The following NRXN1 variants were observed in gnomAD, a reference collection of about 807,000 sequenced individuals.
The protein encoded by NRXN1 is neurexin-1.
A neutral mutation model predicts 150.9 loss-of-function variants in NRXN1; 39 were observed. The ratio of observed to expected loss-of-function variants is 0.26; its 90% CI spans 0.20 to 0.34. The LOEUF is 0.34. NRXN1 is among the 10% of genes least tolerant of loss of function. NRXN1 has a pLI of 1.00. For synonymous variants in NRXN1, 924 were observed against 757.0 expected (o/e 1.22, Z -3.62); for missense variants, 1,815 against 1,949.9 (o/e 0.93, Z 1.30).
chr2:50,172,858 T>C (rs1320462917), intron 18 of NRXN1, among the ~76,000 whole-genome samples: 8 of 152,038 alleles, frequency 5.3e-5, no homozygotes, highest in Non-Finnish European at 1.2e-4. Context: ...TCCCAGCCAC[T>C]TGGGAGGCTG....
At chr2:50,049,317 G>A (rs959211836) in intron 21 of NRXN1, among the ~76,000 whole-genome samples, 1 of 152,120 alleles carries the variant, frequency 6.6e-6, no homozygotes, top group Non-Finnish European at 1.5e-5. Context: ...ACCTAATTAA[G>A]AGCATCATCA....
intron 19 of NRXN1, among the ~76,000 whole-genome samples, chr2:50,071,471 G>C (rs1696285908): frequency 6.6e-6 from 1 of 152,160 alleles, no homozygotes; most frequent in Non-Finnish European, 1.5e-5. Flanking sequence ...GTCCTTATAA[G>C]AGGAAGACTG....
Position 50,270,266 on chromosome 2 carries a change from T to C in NRXN1, c.3365-33296A>G, listed in dbSNP as rs140077863. The stretch of plus-strand genomic sequence containing the variant: ...TACTAAAATTCAACCTACCATCATT[T>C]GTAACATGAGCGTGGGGAAAGTAAA... On this transcript the variant is annotated intron_variant, in intron 17 of 22. Coordinates refer to ENST00000401669, the MANE Select transcript of NRXN1 (RefSeq NM_001330078.2). 8.6e-4 allele frequency among the ~76,000 whole-genome samples: 131 copies of C among 152,296 alleles called. 1 individual carries two copies. Among genetic ancestry groups the C allele is most frequent in the African/African-American group, 3.1e-3 (128 of 41,576 alleles).
chr2:49,944,738 T>C (rs1378707856), intron 21 of NRXN1, among the ~76,000 whole-genome samples: 1 of 152,128 alleles, frequency 6.6e-6, no homozygotes, highest in Non-Finnish European at 1.5e-5. Flanking sequence ...ATCCAATGTA[T>C]ACAAATAAAT....
chr2:50,278,289 C>CAT (rs3080646), intron 17 of NRXN1, among the ~76,000 whole-genome samples: 47,482 of 113,996 alleles, frequency 0.42, 10,480 homozygotes, highest in Middle Eastern at 0.49. Context: ...ATATATAATA[C>CAT]ATATATAATA....
chr2:50,599,495 T>C (rs1461936606), intron 8 of NRXN1, among the ~76,000 whole-genome samples: 4 of 152,206 alleles, frequency 2.6e-5, no homozygotes, highest in Non-Finnish European at 5.9e-5. Flanking sequence ...TATTCTTGCC[T>C]TGAAAATTAT....
chr2:49,974,582 G>T (rs1324557583), intron 21 of NRXN1, among the ~76,000 whole-genome samples: 1 of 152,084 alleles, frequency 6.6e-6, no homozygotes, highest in African/African-American at 2.4e-5. Context: ...TTAAAACTGT[G>T]CAATTAGCAT....
intron 8 of NRXN1, among the ~76,000 whole-genome samples, chr2:50,610,049 T>A (rs1255335878): frequency 1.3e-5 from 2 of 152,130 alleles, no homozygotes; most frequent in African/African-American, 4.8e-5. Flanking sequence ...ATGATTTTCC[T>A]GGGGAAAAAA....
At chr2:50,309,065 T>A (rs1336219827) in intron 17 of NRXN1, among the ~76,000 whole-genome samples, 1 of 152,212 alleles carries the variant, frequency 6.6e-6, no homozygotes, top group African/African-American at 2.4e-5. Flanking sequence ...AATCACTGAA[T>A]GCAAAGACAA....
chr2:50,698,603 TA>T (rs1220453457), intron 5 of NRXN1, among the ~76,000 whole-genome samples: 2 of 152,216 alleles, frequency 1.3e-5, no homozygotes, highest in Non-Finnish European at 2.9e-5. Flanking sequence ...CTAATACATA[TA>T]CATAACCTAT....
At chr2:50,539,168 G>A (rs527705838) in intron 9 of NRXN1, among the ~76,000 whole-genome samples, 2 of 152,086 alleles carry the variant, frequency 1.3e-5, no homozygotes, top group Non-Finnish European at 2.9e-5. Flanking sequence ...AACTTACATA[G>A]TTTTGTTTCC....
chr2:50,281,322 C>CAATAATAAT (rs371009865), intron 17 of NRXN1, among the ~76,000 whole-genome samples: 3,390 of 149,006 alleles, frequency 0.023, 125 homozygotes, highest in African/African-American at 0.081. Flanking sequence ...GTCTCAAAAA[C>CAATAATAAT]AATAATAATA....
intron 5 of NRXN1, among the ~76,000 whole-genome samples, chr2:50,785,061 C>T (rs984615696): frequency 6.6e-6 from 1 of 151,914 alleles, no homozygotes; most frequent in Non-Finnish European, 1.5e-5. Flanking sequence ...CAGAATGTGC[C>T]TTTCCAAGAA....
chr2:49,978,714 C>CAAAA (rs60622757), intron 21 of NRXN1, among the ~76,000 whole-genome samples: 3 of 123,090 alleles, frequency 2.4e-5, no homozygotes, highest in African/African-American at 9.4e-5. Context: ...AGAGAGGCCA[C>CAAAA]AAAAAAAAAA....
intron 5 of NRXN1, among the ~76,000 whole-genome samples, chr2:50,783,256 C>T (rs536977765): frequency 1.4e-4 from 22 of 152,236 alleles, no homozygotes; most frequent in Admixed American, 3.9e-4. Flanking sequence ...TCGCAATCTA[C>T]TGAAATAATT....
rs2060398490 is a variant in NRXN1 at position 50,177,066 on chromosome 2, G to T, written c.3546+59723C>A. Among the ~76,000 whole-genome samples the T allele has an allele frequency of 2.0e-5, 3 of 152,252 alleles. No homozygotes were observed. In the South Asian group the frequency reaches 6.2e-4, roughly 32 times the overall value. ...GGCAAAAGACATTGTTTTTAGTTGT[G>T]TTCTTGCAGAAGTAATGTCAAATTT... On this transcript the variant is annotated intron_variant, in intron 18 of 22. Coordinates refer to ENST00000401669, the MANE Select transcript of NRXN1 (RefSeq NM_001330078.2).
intron 18 of NRXN1, chr2:50,185,675 T>C (rs1281984741): frequency 6.6e-6 from 1 of 152,054 alleles, no homozygotes; most frequent in Non-Finnish European, 1.5e-5. Context: ...AGTCACAATA[T>C]GGGAGGAGTC....
At chr2:49,946,745 C>A (rs1343399642) in intron 21 of NRXN1, among the ~76,000 whole-genome samples, 3 of 151,920 alleles carry the variant, frequency 2.0e-5, no homozygotes, top group African/African-American at 7.3e-5. Context: ...AAAAAGAGCC[C>A]ATATAGCCAA....
At chr2:50,952,799 A>T (rs1055311382) in intron 2 of NRXN1, among the ~76,000 whole-genome samples, 1 of 152,062 alleles carries the variant, frequency 6.6e-6, no homozygotes, top group African/African-American at 2.4e-5. Context: ...CCCTTTCGTC[A>T]TCTATGCCAG....
Sources: gnomAD v4.1 joint callset for allele counts (sites outside exome capture counted in the v4.1 genomes callset) on GRCh38, gnomAD v4.1.1 for gene constraint, MANE v1.5 for transcripts, NCBI Gene and HGNC (gene_info 2026-07-23, HGNC 2026-07-21) for gene names.